Variants in NR3C2 observed in about 807,000 individuals in gnomAD.
The protein encoded by NR3C2 is nuclear receptor subfamily 3 group C member 2.
NR3C2 carries 15 observed loss-of-function variants against 86.4 expected under a neutral mutation model. That is an observed-to-expected ratio of 0.17 (90% CI 0.12 to 0.27). The LOEUF (loss-of-function observed/expected upper bound fraction) is 0.27. NR3C2 is among the 10% of genes least tolerant of loss of function. The probability of loss-of-function intolerance (pLI) is 1.00; values close to 1 mark genes in which losing one functional copy is unlikely to be tolerated. For synonymous variants in NR3C2, 458 were observed against 450.5 expected, an observed-to-expected ratio of 1.02 and a Z score of -0.21; for missense variants, 960 against 1,195.6, an observed-to-expected ratio of 0.80 and a Z score of 2.91.
intron 3 of NR3C2, among the ~76,000 whole-genome samples, chr4:148,222,989 C>T (rs575196729): frequency 4.5e-4 from 68 of 151,852 alleles, no homozygotes; most frequent in Non-Finnish European, 7.7e-4. Context: ...TGGTAAAAAA[C>T]CAAAACAAAA....
intron 2 of NR3C2, among the ~76,000 whole-genome samples, chr4:148,410,735 T>C (rs1346546987): frequency 6.6e-6 from 1 of 152,114 alleles, no homozygotes; most frequent in Non-Finnish European, 1.5e-5. Context: ...TGAAAAAAGG[T>C]CACTCCAAGC....
Position 148,302,762 on chromosome 4 carries a change from C to G in NR3C2, c.1758-42645G>C, listed in dbSNP as rs143377413. 1.2e-3 allele frequency among the ~76,000 whole-genome samples: 176 copies of G among 149,358 alleles called. 4 individuals are homozygous for G. The East Asian group carries it at 0.034, about 28-fold the overall frequency. ...TTGGGAGACTGAGTCAGGAGAACTGCTTGAACCTGGGAGGCAGAGGTTGTA... is the reference window on the plus strand; with the variant it reads ...TTGGGAGACTGAGTCAGGAGAACTGGTTGAACCTGGGAGGCAGAGGTTGTA... On this transcript the variant is annotated intron_variant, in intron 2 of 8. Transcript: ENST00000358102.
chr4:148,411,378 A>T (rs1181838497), intron 2 of NR3C2, among the ~76,000 whole-genome samples: 1 of 152,188 alleles, frequency 6.6e-6, no homozygotes, highest in Non-Finnish European at 1.5e-5. Flanking sequence ...TGAAATCCAA[A>T]TCCAATTCAA....
At chr4:148,230,298 ATTCTC>A (rs1738394373) in intron 3 of NR3C2, among the ~76,000 whole-genome samples, 2 of 151,984 alleles carry the variant, frequency 1.3e-5, no homozygotes, top group Non-Finnish European at 2.9e-5. Context: ...GGCTCAAGGG[ATTCTC>A]ATGCCTTAGC....
At chr4:148,406,472 G>T (rs753207328) in intron 2 of NR3C2, among the ~76,000 whole-genome samples, 2 of 152,160 alleles carry the variant, frequency 1.3e-5, no homozygotes, top group Non-Finnish European at 2.9e-5. Flanking sequence ...GGTATGGAAA[G>T]ATAATTACCC....
intron 2 of NR3C2, among the ~76,000 whole-genome samples, chr4:148,406,132 CT>C (rs1377659083): frequency 3.9e-5 from 6 of 152,084 alleles, no homozygotes; most frequent in Non-Finnish European, 8.8e-5. Context: ...CACCACTGTA[CT>C]CCAGTCTGGG....
At chr4:148,311,895 G>T (rs557337356) in intron 2 of NR3C2, among the ~76,000 whole-genome samples, 2 of 152,326 alleles carry the variant, frequency 1.3e-5, no homozygotes, top group South Asian at 2.1e-4. Context: ...TCCCCCAGAA[G>T]TTGTACAACT....
intron 2 of NR3C2, among the ~76,000 whole-genome samples, chr4:148,318,790 G>A (rs1478434785): frequency 4.6e-5 from 7 of 152,144 alleles, no homozygotes; most frequent in Non-Finnish European, 5.9e-5. Context: ...TTTGTCAGAT[G>A]AGTAGGTTGT....
intron 6 of NR3C2, among the ~76,000 whole-genome samples, chr4:148,128,219 T>G (rs1161550514): frequency 6.6e-6 from 1 of 152,172 alleles, no homozygotes; most frequent in Non-Finnish European, 1.5e-5. Context: ...TATCTTACCA[T>G]CATTATGTCA....
At chr4:148,109,669 A>ATG (rs938584279) in intron 8 of NR3C2, among the ~76,000 whole-genome samples, 3 of 152,202 alleles carry the variant, frequency 2.0e-5, no homozygotes, top group African/African-American at 7.2e-5. Flanking sequence ...AGTTGTGTGC[A>ATG]TGTGTCCTGA....
intron 2 of NR3C2, among the ~76,000 whole-genome samples, chr4:148,313,248 A>C (rs1742993402): frequency 1.3e-5 from 2 of 152,176 alleles, no homozygotes; most frequent in South Asian, 4.1e-4. Flanking sequence ...CACACAAAAA[A>C]CACAACCACT....
chr4:148,316,437 G>C (rs1157999056), intron 2 of NR3C2, among the ~76,000 whole-genome samples: 1 of 152,082 alleles, frequency 6.6e-6, no homozygotes, highest in Non-Finnish European at 1.5e-5. Flanking sequence ...CCACAACCCA[G>C]GTAAAGGTAG....
At position 148,103,840 on chromosome 4, in the gene NR3C2, A is replaced by C. The variant is rs189122344; in HGVS notation, c.2799+10264T>G. On this transcript the variant is annotated intron_variant, in intron 8 of 8. Transcript: ENST00000358102. Reference sequence around the variant, plus strand: ...AGACTCCACGGCCCCAGCTGCAGGCATGTAACAGACACCAGTCCTTGGCTT... The same window carrying C: ...AGACTCCACGGCCCCAGCTGCAGGCCTGTAACAGACACCAGTCCTTGGCTT... Among the ~76,000 whole-genome samples, 21 of 152,306 alleles carry C rather than the reference A, an allele frequency of 1.4e-4. No homozygotes were observed. In the East Asian group the frequency reaches 4.1e-3, roughly 29 times the overall value.
At chr4:148,177,010 T>C (rs1198144079) in intron 4 of NR3C2, among the ~76,000 whole-genome samples, 1 of 152,220 alleles carries the variant, frequency 6.6e-6, no homozygotes, top group East Asian at 1.9e-4. Flanking sequence ...CATATTGTAG[T>C]TAAGTATTCT....
At chr4:148,142,263 C>T (rs57689542) in intron 6 of NR3C2, among the ~76,000 whole-genome samples, 8 of 152,102 alleles carry the variant, frequency 5.3e-5, no homozygotes, top group Admixed American at 5.2e-4. Flanking sequence ...GCCCTCCCAG[C>T]GCCCACACTA....
chr4:148,305,801 T>A (rs1742586680), intron 2 of NR3C2, among the ~76,000 whole-genome samples: 1 of 152,238 alleles, frequency 6.6e-6, no homozygotes, highest in Non-Finnish European at 1.5e-5. Flanking sequence ...TTAAAACAGG[T>A]GGACGTTCTC....
chr4:148,184,513 A>T (rs547977597), intron 4 of NR3C2, among the ~76,000 whole-genome samples: 1 of 152,182 alleles, frequency 6.6e-6, no homozygotes, highest in South Asian at 2.1e-4. Flanking sequence ...AACCAATAGT[A>T]ACCATATATT....
chr4:148,435,216 A>C lies in NR3C2; in HGVS notation c.1645T>G (p.Ser549Ala), dbSNP rs1419262853. The C allele has an allele frequency of 3.7e-6, 6 of 1,614,082 alleles. No individual in the cohort carries two copies. In the African/African-American group the frequency reaches 5.3e-5, roughly 14 times the overall value. The change falls in exon 2 of 9, where the codon TCC (serine) becomes GCC (alanine). Residue 549 changes from serine (S) to alanine (A), a missense_variant. By Grantham distance (99) the Ser-to-Ala change is moderately conservative. Around this residue, in one of 4 missense-constraint regions of NR3C2, gnomAD observed 680 missense variants for 719.0 expected, o/e 0.95. Transcript: ENST00000358102. ...ACTAAAGTATTGACAGGAGGAAAGG[A>C]ACTCAGGTGTTGGAAAGATTGGTCT... ...ARDQSFQHLS[S>A]FPPVNTLVES...
chr4:148,300,862 G>A (rs4835135), intron 2 of NR3C2, among the ~76,000 whole-genome samples: 2,012 of 152,208 alleles, frequency 0.013, 82 homozygotes, highest in Admixed American at 0.094. Flanking sequence ...ATGAGCCACC[G>A]CGCCCGACCT....
Sources: allele counts gnomAD v4.1 joint callset (sites outside exome capture counted in the v4.1 genomes callset), GRCh38; gene constraint gnomAD v4.1.1; regional missense constraint gnomAD v4.1.1; transcripts MANE v1.5; gene names NCBI Gene and HGNC (gene_info 2026-07-23, HGNC 2026-07-21).